Variants in CACNA1C observed in about 807,000 individuals in gnomAD.
CACNA1C encodes calcium voltage-gated channel subunit alpha1 C.
CACNA1C carries 30 observed loss-of-function variants against 229.0 expected under a neutral mutation model. That is an observed-to-expected ratio of 0.13 (90% CI 0.10 to 0.18). The LOEUF is 0.18. Among genes scored for constraint, CACNA1C ranks in the 10% least tolerant of loss-of-function variants. The pLI is 1.00. For missense variants in CACNA1C, 1,658 were observed against 2,845.0 expected, an observed-to-expected ratio of 0.58 and a Z score of 9.49; for synonymous variants, 1,114 against 1,132.5, an observed-to-expected ratio of 0.98 and a Z score of 0.33.
chr12:2,054,761 G>A lies in CACNA1C; in HGVS notation c.49+1150G>A, dbSNP rs1488311855. On this transcript the variant is annotated intron_variant, in intron 1 of 46. Coordinates refer to ENST00000399655, the MANE Select transcript of CACNA1C (RefSeq NM_000719.7). The surrounding 1 kb of genome is among the most constrained non-coding windows in gnomAD (Gnocchi z 5.5). Reference sequence around the variant, plus strand: ...TCCCTTTTCTCTCCCAGTTCCCAGAGCCTCCCTGTTTGCACTCTTCCTCTT... The same window carrying A: ...TCCCTTTTCTCTCCCAGTTCCCAGAACCTCCCTGTTTGCACTCTTCCTCTT... Among the ~76,000 whole-genome samples the A allele has an allele frequency of 6.6e-6, 1 of 152,122 alleles. No individual in the cohort carries two copies. The highest frequency in any genetic ancestry group is 1.5e-5 in the Non-Finnish European group (1 of 68,030).
At chr12:2,356,369 T>C (rs1353112770) in intron 3 of CACNA1C, among the ~76,000 whole-genome samples, 2 of 152,148 alleles carry the variant, frequency 1.3e-5, no homozygotes, top group Non-Finnish European at 2.9e-5. Flanking sequence ...TTGAGGAAGG[T>C]TGGAAAAGTG....
intron 1 of CACNA1C, among the ~76,000 whole-genome samples, chr12:2,044,590 G>A (rs2154495435): frequency 6.6e-6 from 1 of 152,232 alleles, no homozygotes; most frequent in South Asian, 2.1e-4. Flanking sequence ...GTAAATATTT[G>A]GAATTATTCC....
chr12:2,420,345 C>T (rs1018579302), intron 3 of CACNA1C, among the ~76,000 whole-genome samples: 3 of 152,032 alleles, frequency 2.0e-5, no homozygotes, highest in South Asian at 2.1e-4. Context: ...CTTTCACCCC[C>T]GCTGTGATGC....
At chr12:2,297,568 G>A (rs1258098371) in intron 3 of CACNA1C, among the ~76,000 whole-genome samples, 1 of 152,154 alleles carries the variant, frequency 6.6e-6, no homozygotes, top group Non-Finnish European at 1.5e-5. Flanking sequence ...GAAAGCAGAC[G>A]CCCAGGTGTG....
At chr12:2,420,999 A>G (rs981822108) in intron 3 of CACNA1C, among the ~76,000 whole-genome samples, 4 of 152,208 alleles carry the variant, frequency 2.6e-5, no homozygotes, top group Non-Finnish European at 5.9e-5. Flanking sequence ...AAATTTTAAA[A>G]TGGCCATAAT....
intron 3 of CACNA1C, among the ~76,000 whole-genome samples, chr12:2,144,542 C>T (rs1193453717): frequency 6.6e-6 from 1 of 151,266 alleles, no homozygotes; most frequent in Non-Finnish European, 1.5e-5. Context: ...CTAAGGGAGA[C>T]AGGTATTCAG....
intron 1 of CACNA1C, among the ~76,000 whole-genome samples, chr12:2,086,833 C>G (rs1467435559): frequency 6.6e-6 from 1 of 152,230 alleles, no homozygotes; most frequent in Non-Finnish European, 1.5e-5. Context: ...GCACATTTCA[C>G]TGGCCAGAAC....
intron 3 of CACNA1C, among the ~76,000 whole-genome samples, chr12:2,273,834 G>A (rs770772010): frequency 1.2e-4 from 19 of 152,206 alleles, no homozygotes; most frequent in South Asian, 4.1e-4. Context: ...AGAACGGGAG[G>A]GGGTCAAGGA....
At chr12:2,652,246 T>A (rs1340697938) in intron 32 of CACNA1C, among the ~76,000 whole-genome samples, 1 of 151,946 alleles carries the variant, frequency 6.6e-6, no homozygotes, top group African/African-American at 2.4e-5. Context: ...TCGGCCAGAG[T>A]CGCAGGACCC....
chr12:2,644,102 C>G (rs1223247058), intron 30 of CACNA1C, among the ~76,000 whole-genome samples: 1 of 152,194 alleles, frequency 6.6e-6, no homozygotes, highest in Non-Finnish European at 1.5e-5. Flanking sequence ...GGTTCTGTAG[C>G]AGGACCACTA....
At chr12:2,343,900 AGT>A (rs2096932588) in intron 3 of CACNA1C, among the ~76,000 whole-genome samples, 4 of 152,164 alleles carry the variant, frequency 2.6e-5, no homozygotes. Context: ...TGACTGTAAA[AGT>A]GTATTACTTT....
chr12:2,214,271 C>T (rs12301618), intron 3 of CACNA1C, among the ~76,000 whole-genome samples: 14,729 of 152,142 alleles, frequency 0.097, 2,327 homozygotes, highest in African/African-American at 0.33. Flanking sequence ...GTGCTCTGGG[C>T]TCCTGCTCAC....
intron 26 of CACNA1C, chr12:2,607,338 G>GAAACTCCCA (rs766562091): frequency 5.4e-5 from 29 of 537,076 alleles, no homozygotes; most frequent in Non-Finnish European, 8.6e-5. Flanking sequence ...AAGGTGTCAA[G>GAAACTCCCA]AAACTCCCAC....
intron 5 of CACNA1C, among the ~76,000 whole-genome samples, chr12:2,464,794 T>C (rs74053439): frequency 3.7e-4 from 57 of 152,338 alleles, no homozygotes; most frequent in African/African-American, 1.3e-3. Flanking sequence ...CTGAGGACCA[T>C]GTGTGGATAG....
chr12:2,515,784 A>G (rs1044134385), intron 9 of CACNA1C, among the ~76,000 whole-genome samples: 8 of 152,232 alleles, frequency 5.3e-5, no homozygotes, highest in African/African-American at 1.9e-4. Flanking sequence ...AATGGGCTGG[A>G]AGGACAACAG....
At chr12:2,616,123 C>T (rs1184519534) in intron 29 of CACNA1C, among the ~76,000 whole-genome samples, 1 of 152,164 alleles carries the variant, frequency 6.6e-6, no homozygotes, top group Non-Finnish European at 1.5e-5. Flanking sequence ...CCCTTTTTGG[C>T]TTTCCCCCAG....
At chr12:2,379,838 C>T (rs977721517) in intron 3 of CACNA1C, among the ~76,000 whole-genome samples, 12 of 150,930 alleles carry the variant, frequency 8.0e-5, no homozygotes, top group South Asian at 2.1e-4. Context: ...GAGACCATCC[C>T]GGCTAAAACG....
At chr12:2,056,920 A>G (rs1038057293) in intron 1 of CACNA1C, among the ~76,000 whole-genome samples, 2 of 152,340 alleles carry the variant, frequency 1.3e-5, no homozygotes, top group Non-Finnish European at 2.9e-5. Flanking sequence ...AGGAAAAGCT[A>G]TTTTAAATAG....
chr12:2,311,955 G>C (rs1173243551), intron 3 of CACNA1C, among the ~76,000 whole-genome samples: 1 of 152,160 alleles, frequency 6.6e-6, no homozygotes, highest in Admixed American at 6.5e-5. Context: ...AAAGAGCAGG[G>C]TGTTCAGACT....
Sources: allele counts gnomAD v4.1 joint callset (sites outside exome capture counted in the v4.1 genomes callset), GRCh38; gene constraint gnomAD v4.1.1; non-coding constraint Gnocchi (gnomAD v3.1); transcripts MANE v1.5; gene names NCBI Gene and HGNC (gene_info 2026-07-23, HGNC 2026-07-21).